MAGED1: variants seen among roughly 807,000 people sequenced by gnomAD.
MAGED1 encodes MAGE family member D1, also known as melanoma-associated antigen D1.
Under a neutral mutation model 54.1 loss-of-function variants are expected in MAGED1, and 3 were observed. That is an observed-to-expected ratio of 0.06 (90% CI 0.03 to 0.14). MAGED1 has a LOEUF of 0.14. Ranked by LOEUF, MAGED1 falls within the 10% of genes least tolerant of loss-of-function variation. MAGED1 has a pLI of 1.00. For synonymous variants in MAGED1, 217 were observed against 227.3 expected (o/e 0.95, Z 0.41); for missense variants, 485 against 623.4 (o/e 0.78, Z 2.36).
rs782752102 is a variant in MAGED1 at position 51,894,583 on chromosome X, A to G, written c.45+234A>G. ...TGTTAGTAGTCAGGGCAATCTGCCC[A>G]GAGAATGCGGGGTGGGTAAGGAACC... On this transcript the variant is annotated intron_variant, in intron 2 of 12. Coordinates refer to ENST00000326587, the MANE Select transcript of MAGED1 (RefSeq NM_006986.4). 21 of 1,124,408 alleles carry G rather than the reference A, an allele frequency of 1.9e-5. No individual in the cohort carries two copies. The South Asian group carries it at 3.2e-4, about 17-fold the overall frequency. 92.7% of individuals were successfully genotyped at this position (1,124,408 alleles called of 1,213,427 possible).
chrX:51,869,429 A>G (rs782699324), intron 1 of MAGED1, among the ~76,000 whole-genome samples: 1 of 111,975 alleles, frequency 8.9e-6, no homozygotes, highest in Non-Finnish European at 1.9e-5. Flanking sequence ...CCATTTTCAC[A>G]CTGCTATAAA....
At chrX:51,819,169 G>A (rs928399699) in intron 1 of MAGED1, among the ~76,000 whole-genome samples, 12 of 109,608 alleles carry the variant, frequency 1.1e-4, no homozygotes, top group African/African-American at 4.0e-4. Flanking sequence ...TTTTTTTTAA[G>A]CTTCACCTTC....
Position 51,894,366 on chromosome X carries a change from C to T in MAGED1, c.45+17C>T, listed in dbSNP as rs201224447. 8.4e-7 allele frequency: 1 copy of T among 1,189,487 alleles called. No individual in the cohort carries two copies. Among genetic ancestry groups the T allele is most frequent in the Non-Finnish European group, 1.1e-6 (1 of 880,908 alleles). On this transcript the variant is annotated intron_variant, in intron 2 of 12. Transcript: ENST00000326587. ...GGCTTCCAGGTGAGATCTCCACTCC[C>T]CACCCCACCATTTCCCCAGCCGACA...
Position 51,867,472 on chromosome X carries a change from C to T in MAGED1, c.-36-26797C>T. Among the ~76,000 whole-genome samples the T allele has an allele frequency of 6.3e-5, 7 of 111,816 alleles. 2 individuals are homozygous for T. On this transcript the variant is annotated intron_variant, in intron 1 of 12. Transcript: ENST00000375772. ...TCTGATGTTCAAGGGCAGGAAGCAT[C>T]CAGCACGAGAGAAAGATGTAGGCTG...
chrX:51,875,267 G>T (rs956363659), intron 1 of MAGED1, among the ~76,000 whole-genome samples: 5 of 110,943 alleles, frequency 4.5e-5, no homozygotes, highest in Non-Finnish European at 9.4e-5. Context: ...ATCCTTCAAA[G>T]ATCTCCAGTG....
At chrX:51,876,998 A>C (rs2146999627) in intron 1 of MAGED1, among the ~76,000 whole-genome samples, 1 of 111,549 alleles carries the variant, frequency 9.0e-6, no homozygotes, top group Non-Finnish European at 1.9e-5. Context: ...GATATTTTTT[A>C]GGCTCTAAAT....
chrX:51,875,674 G>A (rs1279285455), intron 1 of MAGED1, among the ~76,000 whole-genome samples: 4 of 111,251 alleles, frequency 3.6e-5, no homozygotes, highest in African/African-American at 1.3e-4. Flanking sequence ...CTACTGCCAA[G>A]TATCACAAAT....
intron 1 of MAGED1, among the ~76,000 whole-genome samples, chrX:51,878,954 T>G (rs1463736351): frequency 3.6e-5 from 4 of 111,437 alleles, no homozygotes; most frequent in Admixed American, 1.9e-4. Context: ...TTAGGGGTGT[T>G]ATAATCTCAT....
Position 51,894,331 on chromosome X carries a change from G to A in MAGED1, c.27G>A (p.Ala9=). 1 of 1,201,837 alleles carries A rather than the reference G, an allele frequency of 8.3e-7. No homozygotes were observed. The highest frequency in any genetic ancestry group is 1.1e-6 in the Non-Finnish European group (1 of 890,862). The part of the protein sequence containing the change: MAQKMDCG[A]GLLGFQAEAS... ...TGGCTCAGAAAATGGACTGTGGTGC[G>A]GGCCTCCTCGGCTTCCAGGTGAGAT... The change falls in exon 2 of 13, where the codon GCG becomes GCA. Residue 9 remains alanine, a synonymous_variant. Transcript: ENST00000326587.
At chrX:51,847,503 T>C (rs1305032888) in intron 1 of MAGED1, among the ~76,000 whole-genome samples, 1 of 110,325 alleles carries the variant, frequency 9.1e-6, no homozygotes, top group Non-Finnish European at 1.9e-5. Context: ...CAGGAAGGAT[T>C]AGGAACATGG....
chrX:51,849,535 A>G (rs1177303227), intron 1 of MAGED1, among the ~76,000 whole-genome samples: 1 of 111,423 alleles, frequency 9.0e-6, no homozygotes, highest in African/African-American at 3.3e-5. Flanking sequence ...TATTTTGAGA[A>G]AGTTTTATAA....
intron 3 of MAGED1, 34 bp downstream of exon 3, chrX:51,895,794 G>A: frequency 9.5e-7 from 1 of 1,056,500 alleles, no homozygotes; most frequent in Non-Finnish European, 1.3e-6. Flanking sequence ...TTGCTTTGGG[G>A]CTGTCTCCTT....
At chrX:51,833,687 A>C (rs1183980083) in intron 1 of MAGED1, among the ~76,000 whole-genome samples, 1 of 112,327 alleles carries the variant, frequency 8.9e-6, no homozygotes, top group African/African-American at 3.2e-5. Flanking sequence ...AGACTTTACC[A>C]TCGTCAGGAT....
At chrX:51,822,168 T>C (rs1925660315) in intron 1 of MAGED1, among the ~76,000 whole-genome samples, 1 of 111,815 alleles carries the variant, frequency 8.9e-6, no homozygotes, top group South Asian at 3.7e-4. Context: ...AGTGAAGCCG[T>C]CTTGGCCTTG....
chrX:51,885,880 T>C (rs1928217424), intron 1 of MAGED1, among the ~76,000 whole-genome samples: 3 of 110,241 alleles, frequency 2.7e-5, no homozygotes, highest in Non-Finnish European at 5.7e-5. Flanking sequence ...AACCTAAGGG[T>C]CCATCAGTGG....
Position 51,900,301 on chromosome X carries a change from T to C in MAGED1, c.1959+5T>C, listed in dbSNP as rs1557364771. 8.5e-7 allele frequency: 1 copy of C among 1,172,434 alleles called. No homozygotes were observed. Among genetic ancestry groups the C allele is most frequent in the Non-Finnish European group, 1.2e-6 (1 of 861,580 alleles). On this transcript the variant is annotated splice_donor_5th_base_variant and intron_variant, in intron 11 of 12. Coordinates refer to ENST00000326587, the MANE Select transcript of MAGED1 (RefSeq NM_006986.4). The stretch of plus-strand genomic sequence containing the variant: ...GTGCTGAGATTCATTGCAGAGGTAA[T>C]GGAGGAACTGTTCCAGCATTGATAG...
In MAGED1 at chrX:51,824,704, CTGTG is replaced by C. The variant is rs149180361; in HGVS notation, c.-37+21613_-37+21616del. Reference sequence around the variant, plus strand: ...TTCTGAGGCTGTGTTTATATTGTCTCTGTGTGTGTGTGTGTGTGTGTGTGTGTGT... The same window carrying C: ...TTCTGAGGCTGTGTTTATATTGTCTCTGTGTGTGTGTGTGTGTGTGTGTGT... On this transcript the variant is annotated intron_variant, in intron 1 of 12. Coordinates refer to the MAGED1 transcript ENST00000375772. 7.2e-3 allele frequency among the ~76,000 whole-genome samples: 648 copies of C among 90,392 alleles called. 10 individuals carry two copies. The highest frequency in any genetic ancestry group is 0.025 in the African/African-American group (598 of 24,249). The allele number at this position is 90,392 out of a possible 115,157, so 78.5% of individuals were successfully genotyped here. A position where few individuals can be genotyped will look rare whatever the true frequency, so the allele number is the denominator to read the frequency against.
At chrX:51,860,026 A>C (rs1602242425) in intron 1 of MAGED1, among the ~76,000 whole-genome samples, 1 of 111,376 alleles carries the variant, frequency 9.0e-6, no homozygotes, top group Admixed American at 9.5e-5. Context: ...AGCACTTTGG[A>C]AGGCCGAGGC....
chrX:51,896,911 C>T lies in MAGED1; in HGVS notation c.1256C>T (p.Pro419Leu), dbSNP rs1557364370. 8.3e-7 allele frequency: 1 copy of T among 1,208,289 alleles called. No individual in the cohort carries two copies. The highest frequency in any genetic ancestry group is 2.2e-5 in the Admixed American group (1 of 45,796). ...DWPLPPDWPLPTDWPLPPDWI... is the reference protein window; with the variant it reads ...DWPLPPDWPLLTDWPLPPDWI... ...CCACTGCCACCTGATTGGCCACTTC[C>T]CACTGACTGGCCACTACCACCTGAC... Residue 419 changes from proline to leucine, a missense_variant, in exon 4 of 13, where the codon CCC becomes CTC. Physicochemically the swap from Pro to Leu is moderately conservative, Grantham distance 98 (BLOSUM62 -3). Coordinates refer to ENST00000326587, the MANE Select transcript of MAGED1 (RefSeq NM_006986.4).
Sources: allele counts gnomAD v4.1 joint callset (sites outside exome capture counted in the v4.1 genomes callset), GRCh38; gene constraint gnomAD v4.1.1; transcripts MANE v1.5; gene names NCBI Gene and HGNC (gene_info 2026-07-23, HGNC 2026-07-21).